PLXDC2: variants seen among roughly 807,000 people sequenced by gnomAD.
The protein encoded by PLXDC2 is plexin domain-containing protein 2.
A neutral mutation model predicts 68.9 loss-of-function variants in PLXDC2; 40 were observed. The ratio of observed to expected loss-of-function variants is 0.58; its 90% CI spans 0.45 to 0.76. The LOEUF (loss-of-function observed/expected upper bound fraction) is 0.76. Among genes scored for constraint, PLXDC2 ranks in the 30% least tolerant of loss-of-function variants. The pLI is 0.00. For missense variants in PLXDC2, 644 were observed against 661.9 expected, an observed-to-expected ratio of 0.97 and a Z score of 0.30; for synonymous variants, 243 against 234.2, an observed-to-expected ratio of 1.04 and a Z score of -0.34.
intron 5 of PLXDC2, 27 bp from the exon 6 acceptor site, chr10:20,147,757 T>G: frequency 4.4e-6 from 6 of 1,370,532 alleles, no homozygotes; most frequent in Non-Finnish European, 6.1e-6. Context: ...TCTCATTGCA[T>G]TTCTTCTTTT....
intron 1 of PLXDC2, among the ~76,000 whole-genome samples, chr10:19,994,159 G>T (rs12779581): frequency 0.064 from 9,671 of 150,976 alleles, 378 homozygotes; most frequent in Middle Eastern, 0.13. Flanking sequence ...AATCATAAGT[G>T]TAGCTAAACA....
intron 1 of PLXDC2, among the ~76,000 whole-genome samples, chr10:19,992,202 A>G (rs1834761603): frequency 6.6e-6 from 1 of 152,280 alleles, no homozygotes; most frequent in Admixed American, 6.5e-5. Flanking sequence ...AAAACTAGAC[A>G]CTTAGCTAAA....
At chr10:19,946,714 G>A (rs1833908126) in intron 1 of PLXDC2, among the ~76,000 whole-genome samples, 2 of 152,134 alleles carry the variant, frequency 1.3e-5, no homozygotes. Context: ...CAACTAGACA[G>A]TCCCATCGGT....
intron 1 of PLXDC2, among the ~76,000 whole-genome samples, chr10:19,933,527 G>A (rs544552308): frequency 2.0e-5 from 3 of 152,030 alleles, no homozygotes; most frequent in East Asian, 3.9e-4. Context: ...CCAGCTACTC[G>A]GCAGGCTGAG....
intron 6 of PLXDC2, among the ~76,000 whole-genome samples, chr10:20,152,404 G>C (rs1834164024): frequency 6.6e-6 from 1 of 152,038 alleles, no homozygotes; most frequent in Admixed American, 6.6e-5. Flanking sequence ...TTTTCCTGAG[G>C]TTATAGCTCT....
intron 1 of PLXDC2, among the ~76,000 whole-genome samples, chr10:19,895,382 T>C (rs1237680919): frequency 6.6e-6 from 1 of 152,186 alleles, no homozygotes; most frequent in Admixed American, 6.5e-5. Flanking sequence ...AAAAGTGAGC[T>C]TCCTGTGCAA....
intron 9 of PLXDC2, among the ~76,000 whole-genome samples, chr10:20,205,302 C>G (rs1043777629): frequency 6.6e-6 from 1 of 151,998 alleles, no homozygotes; most frequent in Non-Finnish European, 1.5e-5. Context: ...TACTGTATAG[C>G]TCTCTATTAA....
At chr10:20,106,623 G>T (rs1833494553) in intron 4 of PLXDC2, among the ~76,000 whole-genome samples, 1 of 152,098 alleles carries the variant, frequency 6.6e-6, no homozygotes, top group Non-Finnish European at 1.5e-5. Flanking sequence ...GTCTCTCAAA[G>T]GAGCCATATT....
intron 6 of PLXDC2, among the ~76,000 whole-genome samples, chr10:20,150,895 C>T (rs1283525964): frequency 6.6e-6 from 1 of 152,212 alleles, no homozygotes; most frequent in African/African-American, 2.4e-5. Flanking sequence ...AAAAGTTCCA[C>T]TATGGTTTTC....
chr10:19,908,942 A>G (rs1214341162), intron 1 of PLXDC2, among the ~76,000 whole-genome samples: 1 of 152,150 alleles, frequency 6.6e-6, no homozygotes, highest in Admixed American at 6.5e-5. Flanking sequence ...TGAGTTTTTG[A>G]TCACCAAACA....
intron 3 of PLXDC2, among the ~76,000 whole-genome samples, chr10:20,064,430 C>T (rs1400773469): frequency 1.3e-5 from 2 of 152,030 alleles, no homozygotes; most frequent in African/African-American, 4.8e-5. Flanking sequence ...CCGTGTTAGC[C>T]AGGATGGTCT....
chr10:19,932,349 C>T (rs760325815), intron 1 of PLXDC2, among the ~76,000 whole-genome samples: 1 of 152,140 alleles, frequency 6.6e-6, no homozygotes, highest in Non-Finnish European at 1.5e-5. Context: ...TGATCTTGAA[C>T]TTATCTTCCC....
intron 2 of PLXDC2, among the ~76,000 whole-genome samples, chr10:20,025,178 C>T (rs905168414): frequency 1.3e-5 from 2 of 151,954 alleles, no homozygotes; most frequent in Non-Finnish European, 2.9e-5. Flanking sequence ...AATTGTTTTC[C>T]ACAGTAGCTA....
chr10:19,887,286 C>T (rs934564775), intron 1 of PLXDC2, among the ~76,000 whole-genome samples: 3 of 151,980 alleles, frequency 2.0e-5, no homozygotes, highest in African/African-American at 7.2e-5. Flanking sequence ...TTTGGGAGGC[C>T]GAGGCAGGTG....
intron 1 of PLXDC2, among the ~76,000 whole-genome samples, chr10:19,879,082 G>A (rs976822798): frequency 1.3e-5 from 2 of 152,254 alleles, no homozygotes; most frequent in South Asian, 2.1e-4. Flanking sequence ...ATTAGCCAGT[G>A]AATCATTGCA....
chr10:19,866,420 G>A (rs1837417789), intron 1 of PLXDC2, among the ~76,000 whole-genome samples: 2 of 152,094 alleles, frequency 1.3e-5, no homozygotes, highest in African/African-American at 4.8e-5. Flanking sequence ...TCTTCCGTGG[G>A]ACACCGCTGG....
chr10:20,080,652 A>AC (rs1409411307), intron 4 of PLXDC2, among the ~76,000 whole-genome samples: 1 of 152,058 alleles, frequency 6.6e-6, no homozygotes, highest in East Asian at 1.9e-4. Context: ...GATGGTGCCC[A>AC]ACCCCATTGA....
intron 1 of PLXDC2, among the ~76,000 whole-genome samples, chr10:19,879,016 G>T (rs1017373933): frequency 6.6e-6 from 1 of 152,126 alleles, no homozygotes; most frequent in African/African-American, 2.4e-5. Flanking sequence ...TTGTATTGAT[G>T]CCACTGCCTT....
intron 1 of PLXDC2, among the ~76,000 whole-genome samples, chr10:19,821,330 C>T (rs1316850735): frequency 1.3e-5 from 2 of 152,130 alleles, no homozygotes; most frequent in Non-Finnish European, 2.9e-5. Context: ...TCTCTAAGTG[C>T]GTCTCCATCC....
Sources: allele counts gnomAD v4.1 joint callset (sites outside exome capture counted in the v4.1 genomes callset), GRCh38; gene constraint gnomAD v4.1.1; transcripts MANE v1.5; gene names NCBI Gene and HGNC (gene_info 2026-07-23, HGNC 2026-07-21).